Variants in ACOT12 observed in about 807,000 individuals in gnomAD.
ACOT12 encodes the protein acetyl-coenzyme A thioesterase.
A neutral mutation model predicts 67.7 loss-of-function variants in ACOT12; 51 were observed. The observed-to-expected ratio is 0.75, with a 90% CI of 0.60 to 0.95. ACOT12 has a LOEUF of 0.95. Ranked by LOEUF, ACOT12 falls within the 40% of genes least tolerant of loss-of-function variation. The probability of loss-of-function intolerance (pLI) is 0.00; values close to 1 mark genes in which losing one functional copy is unlikely to be tolerated. For synonymous variants in ACOT12, 251 were observed against 244.6 expected (o/e 1.03, Z -0.24); for missense variants, 734 against 708.1 (o/e 1.04, Z -0.41).
chr5:81,330,919 C>T lies in ACOT12; in HGVS notation c.1413G>A (p.Val471=). Reference sequence around the variant, plus strand: ...GGACCGATGGCAAAATGACCGACTTCACTGCCACTGTGTAAGTGTTACTGA... The same window carrying T: ...GGACCGATGGCAAAATGACCGACTTTACTGCCACTGTGTAAGTGTTACTGA... ...LKDGNTYTVA[V]KSVILPSVPP... The change falls in exon 14 of 15, where the codon GTG becomes GTA. Residue 471 remains valine, a synonymous_variant. Transcript: ENST00000307624. 3 of 1,611,852 alleles carry T rather than the reference C, an allele frequency of 1.9e-6. No homozygotes were observed. The highest frequency in any genetic ancestry group is 2.5e-6 in the Non-Finnish European group (3 of 1,179,216).
intron 3 of ACOT12, among the ~76,000 whole-genome samples, chr5:81,364,606 T>G (rs936810080): frequency 1.3e-5 from 2 of 152,098 alleles, no homozygotes. Context: ...TTTTTGTATT[T>G]TTAGTACAGA....
intron 2 of ACOT12, among the ~76,000 whole-genome samples, chr5:81,372,728 T>C (rs1410136736): frequency 6.6e-6 from 1 of 152,214 alleles, no homozygotes; most frequent in Admixed American, 6.5e-5. Context: ...AATTCAAACT[T>C]CCTAAAAACA....
chr5:81,394,010 G>C lies in ACOT12; in HGVS notation c.105C>G (p.Ile35Met). Residue 35 changes from isoleucine (I) to methionine (M), a missense_variant, in exon 1 of 15, where the codon ATC becomes ATG. Transcript: ENST00000307624. ...ELSAGQLLKW[I>M]DTTACLAAEK... ...TACCCGCCAGGCAGGCGGTGGTGTC[G>C]ATCCACTTGAGCAGCTGCCCCGCGC... 1 of 1,431,050 alleles carries C rather than the reference G, an allele frequency of 7.0e-7. No homozygotes were observed. The highest frequency in any genetic ancestry group is 9.1e-7 in the Non-Finnish European group (1 of 1,094,994). 88.6% of individuals were successfully genotyped at this position (1,431,050 alleles called of 1,614,324 possible).
At chr5:81,375,360 A>G (rs1347009626) in intron 2 of ACOT12, among the ~76,000 whole-genome samples, 2 of 152,208 alleles carry the variant, frequency 1.3e-5, no homozygotes, top group Non-Finnish European at 2.9e-5. Context: ...ATGGAAAGGA[A>G]CAACCGGTAC....
chr5:81,333,063 TAA>T (rs11343919), intron 12 of ACOT12, among the ~76,000 whole-genome samples: 207 of 131,348 alleles, frequency 1.6e-3, no homozygotes, highest in African/African-American at 4.1e-3. Flanking sequence ...AGTGAGATCT[TAA>T]AAAAAAAAAA....
Position 81,335,197 on chromosome 5 carries a change from G to A in ACOT12, c.1262+571C>T, listed in dbSNP as rs566983125. On this transcript the variant is annotated intron_variant, in intron 12 of 14. Coordinates refer to ENST00000307624, the MANE Select transcript of ACOT12 (RefSeq NM_130767.3). ...TCACTTTATTGCCTGTGCAATCTTG[G>A]CACGTCTCAGAACCTCTTAAATGGA... Among the ~76,000 whole-genome samples the A allele has an allele frequency of 5.9e-5, 9 of 152,260 alleles. No homozygotes were observed. The East Asian group carries it at 1.7e-3, about 29-fold the overall frequency.
Position 81,330,948 on chromosome 5 carries a change from A to G in ACOT12, c.1392-8T>C, listed in dbSNP as rs1405088779. Reference sequence around the variant, plus strand: ...GCCACTGTGTAAGTGTTACTGAAAGAAAACACTTTCTAAGCTCTTGTGAGA... The same window carrying G: ...GCCACTGTGTAAGTGTTACTGAAAGGAAACACTTTCTAAGCTCTTGTGAGA... On this transcript the variant is annotated splice_polypyrimidine_tract_variant and splice_region_variant and intron_variant, in intron 13 of 14. Coordinates refer to ENST00000307624, the MANE Select transcript of ACOT12 (RefSeq NM_130767.3). The G allele has an allele frequency of 1.3e-6, 2 of 1,584,018 alleles. No individual in the cohort carries two copies. Among genetic ancestry groups the G allele is most frequent in the African/African-American group, 1.4e-5 (1 of 73,414 alleles).
chr5:81,361,509 C>T (rs1159912843), intron 4 of ACOT12, among the ~76,000 whole-genome samples: 3 of 152,120 alleles, frequency 2.0e-5, no homozygotes, highest in Non-Finnish European at 4.4e-5. Flanking sequence ...CCTGATTTAA[C>T]AATTTTTGTA....
At chr5:81,366,671 G>A (rs1255128002) in intron 3 of ACOT12, among the ~76,000 whole-genome samples, 1 of 151,934 alleles carries the variant, frequency 6.6e-6, no homozygotes, top group Non-Finnish European at 1.5e-5. Context: ...TAGAGAAAAA[G>A]ATGAAAATAA....
rs1198940567 is a variant in ACOT12, at chr5:81,385,816, A to G, written c.138T>C (p.His46=). ...DTTACLAAEK[H]AGVSCVTASV... ...AGGCTGTAACGCAGGAAACTCCAGC[A>G]TGTTTCTCAGCTTCAAAAAATACAT... Residue 46 remains histidine, a synonymous_variant, in exon 2 of 15, where the codon CAT becomes CAC. Transcript: ENST00000307624. 6.8e-6 allele frequency: 11 copies of G among 1,614,040 alleles called. No homozygotes were observed. The highest frequency in any genetic ancestry group is 9.3e-6 in the Non-Finnish European group (11 of 1,179,984).
intron 2 of ACOT12, among the ~76,000 whole-genome samples, chr5:81,377,046 T>G (rs1451656519): frequency 1.3e-5 from 2 of 152,178 alleles, no homozygotes; most frequent in Non-Finnish European, 2.9e-5. Flanking sequence ...AAAAAGAAAA[T>G]TTCAGGGCAA....
At chr5:81,331,744 C>T (rs1040197745) in intron 13 of ACOT12, among the ~76,000 whole-genome samples, 6 of 152,264 alleles carry the variant, frequency 3.9e-5, no homozygotes, top group African/African-American at 1.4e-4. Flanking sequence ...TAAGCAAATG[C>T]ACACAAAATT....
intron 5 of ACOT12, among the ~76,000 whole-genome samples, chr5:81,353,965 G>T (rs530057774): frequency 9.2e-5 from 14 of 152,214 alleles, no homozygotes. Context: ...GATCTAAGGA[G>T]CAGCAGGTGG....
At chr5:81,387,615 G>A (rs113961904) in intron 1 of ACOT12, among the ~76,000 whole-genome samples, 2,190 of 149,298 alleles carry the variant, frequency 0.015, 50 homozygotes, top group African/African-American at 0.045. Flanking sequence ...TCACTCCAGC[G>A]TCGAACTCCT....
At chr5:81,346,129 T>A in intron 6 of ACOT12, 125 bp from the exon 7 acceptor site, 1 of 1,430,958 alleles carries the variant, frequency 7.0e-7, no homozygotes, top group Non-Finnish European at 9.3e-7. Flanking sequence ...CTGGATTATG[T>A]GGGTTGAGGG....
chr5:81,357,021 C>T (rs767512304), intron 5 of ACOT12, among the ~76,000 whole-genome samples: 28 of 152,034 alleles, frequency 1.8e-4, no homozygotes, highest in Admixed American at 3.3e-4. Context: ...CTTCCTCTCC[C>T]GCCTCCCTCT....
At chr5:81,348,716 C>T (rs368825213) in intron 5 of ACOT12, among the ~76,000 whole-genome samples, 1 of 152,332 alleles carries the variant, frequency 6.6e-6, no homozygotes, top group Admixed American at 6.5e-5. Context: ...AGGTGCGTGC[C>T]ACCACGCCTG....
intron 2 of ACOT12, among the ~76,000 whole-genome samples, chr5:81,372,138 A>G (rs1387975879): frequency 6.6e-6 from 1 of 152,196 alleles, no homozygotes; most frequent in Non-Finnish European, 1.5e-5. Context: ...GTTAAGGAAA[A>G]TACACCAGCA....
rs1181774153 is a variant in ACOT12, at chr5:81,363,777, A to T, written c.360+11T>A. 6.2e-7 allele frequency: 1 copy of T among 1,601,776 alleles called. No homozygotes were observed. ...TTACATGCTAGATACATCTTCACATACAAAATTTACCTTTTCTTTTCCAAC... is the reference window on the plus strand; with the variant it reads ...TTACATGCTAGATACATCTTCACATTCAAAATTTACCTTTTCTTTTCCAAC... On this transcript the variant is annotated intron_variant, in intron 4 of 14. Coordinates refer to ENST00000307624, the MANE Select transcript of ACOT12 (RefSeq NM_130767.3).
Sources: gnomAD v4.1 joint callset for allele counts (sites outside exome capture counted in the v4.1 genomes callset) on GRCh38, gnomAD v4.1.1 for gene constraint, MANE v1.5 for transcripts, NCBI Gene and HGNC (gene_info 2026-07-23, HGNC 2026-07-21) for gene names.